Variants in MEGF11 observed in about 807,000 individuals in gnomAD.
The protein encoded by MEGF11 is multiple EGF like domains 11.
Under a neutral mutation model 146.6 loss-of-function variants are expected in MEGF11, and 126 were observed. The ratio of observed to expected loss-of-function variants is 0.86; its 90% CI spans 0.74 to 1.00. The LOEUF is 1.00. Among genes scored for constraint, MEGF11 ranks in the 50% least tolerant of loss-of-function variants. MEGF11 has a pLI of 0.00. For missense variants in MEGF11, 1,509 were observed against 1,521.2 expected, an observed-to-expected ratio of 0.99 and a Z score of 0.13; for synonymous variants, 532 against 583.4, an observed-to-expected ratio of 0.91 and a Z score of 1.27.
Position 65,906,080 on chromosome 15 carries a change from T to C in MEGF11, c.3055+5A>G, listed in dbSNP as rs769358106. ...GTAATAAGACAGCAGGATTGGATAC[T>C]CTACCTTTGAAGCCTTTGTCCATAA... On this transcript the variant is annotated splice_donor_5th_base_variant and intron_variant, in intron 24 of 25. Transcript: ENST00000395614. 1 of 1,608,350 alleles carries C rather than the reference T, an allele frequency of 6.2e-7. No homozygotes were observed. Among genetic ancestry groups the C allele is most frequent in the Non-Finnish European group, 8.5e-7 (1 of 1,176,492 alleles).
At position 66,142,874 on chromosome 15, in the gene MEGF11, G is replaced by A. The variant is rs79515505; in HGVS notation, c.-8-14463C>T. ...CATGGGCCTGAAGGCCTGAGTTTGA[G>A]TTTTCCAGCAGCATCCACCAGCCAT... On this transcript the variant is annotated intron_variant, in intron 1 of 25. Coordinates refer to ENST00000395614, the MANE Select transcript of MEGF11 (RefSeq NM_001385028.1). Among the ~76,000 whole-genome samples, 1,250 of 152,342 alleles carry A rather than the reference G, an allele frequency of 8.2e-3. 17 individuals are homozygous for A. Among genetic ancestry groups the A allele is most frequent in the African/African-American group, 0.029 (1,194 of 41,580 alleles).
chr15:66,222,805 C>G (rs1393703733), intron 1 of MEGF11, among the ~76,000 whole-genome samples: 3 of 152,174 alleles, frequency 2.0e-5, no homozygotes, highest in African/African-American at 7.2e-5. Flanking sequence ...TTCAAACCCA[C>G]TAGGATGGTT....
intron 4 of MEGF11, among the ~76,000 whole-genome samples, chr15:66,103,388 A>G (rs939250866): frequency 2.0e-5 from 3 of 152,202 alleles, no homozygotes; most frequent in Non-Finnish European, 4.4e-5. Context: ...TGGGCAAGTT[A>G]CATAACCTCT....
intron 23 of MEGF11, among the ~76,000 whole-genome samples, chr15:65,907,798 C>G (rs2078674698): frequency 6.6e-6 from 1 of 152,202 alleles, no homozygotes; most frequent in Admixed American, 6.5e-5. Flanking sequence ...AGTGGCTTGT[C>G]CAAAACCACA....
chr15:66,197,041 T>C (rs2091025918), intron 1 of MEGF11, among the ~76,000 whole-genome samples: 1 of 152,246 alleles, frequency 6.6e-6, no homozygotes, highest in Non-Finnish European at 1.5e-5. Context: ...TGTAACTATC[T>C]GAGTATATGC....
chr15:66,128,895 TG>T (rs1326699585), intron 1 of MEGF11, among the ~76,000 whole-genome samples: 1 of 152,142 alleles, frequency 6.6e-6, no homozygotes, highest in Non-Finnish European at 1.5e-5. Context: ...GGTGTGGACC[TG>T]GGGGGAAATG....
chr15:66,077,446 A>G (rs4776716), intron 5 of MEGF11, among the ~76,000 whole-genome samples: 146,830 of 152,362 alleles, frequency 0.96, 70,985 homozygotes, highest in East Asian at 1. Context: ...CCCATAGGTG[A>G]GAAGCATTGG....
intron 5 of MEGF11, among the ~76,000 whole-genome samples, chr15:66,093,879 C>T (rs12900856): frequency 0.13 from 20,108 of 152,110 alleles, 1,744 homozygotes; most frequent in East Asian, 0.24. Flanking sequence ...GAACCATCCA[C>T]CCACAAAAAT....
intron 1 of MEGF11, among the ~76,000 whole-genome samples, chr15:66,168,473 A>G (rs547870411): frequency 1.2e-4 from 18 of 152,278 alleles, no homozygotes; most frequent in Middle Eastern, 3.4e-3. Context: ...CACTGGCCAT[A>G]TATGGTTACT....
chr15:65,917,266 C>A (rs953844292), intron 16 of MEGF11, among the ~76,000 whole-genome samples: 1 of 152,190 alleles, frequency 6.6e-6, no homozygotes, highest in Non-Finnish European at 1.5e-5. Context: ...CGGGTAAACA[C>A]TGTGGTTTAC....
intron 1 of MEGF11, among the ~76,000 whole-genome samples, chr15:66,190,650 G>A (rs2090844268): frequency 6.6e-6 from 1 of 152,094 alleles, no homozygotes; most frequent in South Asian, 2.1e-4. Flanking sequence ...TTGCCCACCT[G>A]AGACCTCCAG....
At chr15:66,146,215 A>G (rs1453497241) in intron 1 of MEGF11, among the ~76,000 whole-genome samples, 1 of 152,238 alleles carries the variant, frequency 6.6e-6, no homozygotes, top group Admixed American at 6.5e-5. Flanking sequence ...AACGCAAGCG[A>G]AAGTGCTTTG....
chr15:65,935,366 A>G (rs1020954734), intron 10 of MEGF11, among the ~76,000 whole-genome samples: 4 of 145,260 alleles, frequency 2.8e-5, no homozygotes, highest in Non-Finnish European at 4.5e-5. Flanking sequence ...AAAAAAAGGC[A>G]AAACAGCCTG....
intron 1 of MEGF11, among the ~76,000 whole-genome samples, chr15:66,158,955 C>T (rs2089858403): frequency 6.6e-6 from 1 of 152,166 alleles, no homozygotes; most frequent in South Asian, 2.1e-4. Flanking sequence ...TTTAAAATGT[C>T]CTTACTCTTA....
At chr15:66,150,167 G>A (rs2089510445) in intron 1 of MEGF11, among the ~76,000 whole-genome samples, 1 of 152,232 alleles carries the variant, frequency 6.6e-6, no homozygotes, top group Non-Finnish European at 1.5e-5. Flanking sequence ...GAAAGCTGTG[G>A]TCCCTCCAGC....
chr15:65,960,255 C>G (rs2080812211), intron 9 of MEGF11, among the ~76,000 whole-genome samples: 1 of 152,120 alleles, frequency 6.6e-6, no homozygotes, highest in Non-Finnish European at 1.5e-5. Flanking sequence ...CCTAACTTAC[C>G]AAAACTGAGC....
Position 65,913,734 on chromosome 15 carries a change from T to TA in MEGF11, c.2710+2dup. 3 of 1,608,372 alleles carry TA rather than the reference T, an allele frequency of 1.9e-6. No homozygotes were observed. The highest frequency in any genetic ancestry group is 2.7e-5 in the African/African-American group (2 of 74,944). On this transcript the variant is annotated splice_region_variant and intron_variant, in intron 20 of 25. Transcript: ENST00000395614. ...GGAGGGAGGCCAGGAGCATGGCCCT[T>TA]ACCTGAGAGGGAGTAGTCGGTGCTG...
intron 5 of MEGF11, among the ~76,000 whole-genome samples, chr15:66,074,403 A>G (rs1193473868): frequency 1.3e-5 from 2 of 152,240 alleles, no homozygotes; most frequent in East Asian, 1.9e-4. Flanking sequence ...GTATATTACA[A>G]TGTATCCACT....
chr15:66,113,948 A>C (rs1321769786), intron 4 of MEGF11, among the ~76,000 whole-genome samples: 1 of 152,004 alleles, frequency 6.6e-6, no homozygotes, highest in East Asian at 1.9e-4. Flanking sequence ...CATCAGGATC[A>C]CCTGGGAACT....
Sources: gnomAD v4.1 joint callset for allele counts (sites outside exome capture counted in the v4.1 genomes callset) on GRCh38, gnomAD v4.1.1 for gene constraint, MANE v1.5 for transcripts, NCBI Gene and HGNC (gene_info 2026-07-23, HGNC 2026-07-21) for gene names.